AGTPBP1: variants seen among roughly 807,000 people sequenced by gnomAD.
AGTPBP1 encodes cytosolic carboxypeptidase 1.
Under a neutral mutation model 143.9 loss-of-function variants are expected in AGTPBP1, and 70 were observed. That is an observed-to-expected ratio of 0.49 (90% confidence interval 0.40 to 0.59). AGTPBP1 has a LOEUF of 0.59. Ranked by LOEUF, AGTPBP1 falls within the 20% of genes least tolerant of loss-of-function variation. The pLI is 0.00. For synonymous variants in AGTPBP1, 463 were observed against 500.2 expected, an observed-to-expected ratio of 0.93 and a Z score of 0.99; for missense variants, 1,229 against 1,464.5, an observed-to-expected ratio of 0.84 and a Z score of 2.62.
intron 1 of AGTPBP1, among the ~76,000 whole-genome samples, chr9:85,726,870 T>C (rs1212205134): frequency 6.6e-6 from 1 of 152,090 alleles, no homozygotes; most frequent in Non-Finnish European, 1.5e-5. Context: ...AAAGGGAAAG[T>C]CACACAATTG....
intron 23 of AGTPBP1, 52 bp from the exon 24 acceptor site, chr9:85,579,148 A>G (rs760014342): frequency 6.6e-7 from 1 of 1,513,350 alleles, no homozygotes; most frequent in Non-Finnish European, 8.8e-7. Context: ...TTTAATTTTA[A>G]ATGTTTTTAA....
At chr9:85,722,603 C>T (rs556834484) in intron 1 of AGTPBP1, among the ~76,000 whole-genome samples, 84 of 152,252 alleles carry the variant, frequency 5.5e-4, no homozygotes, top group Non-Finnish European at 1.1e-3. Flanking sequence ...AGCTACCTTG[C>T]GATGGGTTAG....
chr9:85,762,223 AG>A, the AGTPBP1 span, among the ~76,000 whole-genome samples: 1 of 152,072 alleles, frequency 6.6e-6, no homozygotes, highest in African/African-American at 2.4e-5. Flanking sequence ...CGATTCCTCA[AG>A]GATCTAGAAC....
At chr9:85,751,929 C>A in the AGTPBP1 span, among the ~76,000 whole-genome samples, 1 of 151,008 alleles carries the variant, frequency 6.6e-6, no homozygotes, top group Non-Finnish European at 1.5e-5. Context: ...TTGACTTGAC[C>A]CTTAAGATGT....
intron 2 of AGTPBP1, among the ~76,000 whole-genome samples, chr9:85,699,368 A>G (rs1836498265): frequency 6.6e-6 from 1 of 152,180 alleles, no homozygotes. Flanking sequence ...TTGAGCTTAT[A>G]TTCAATCTTG....
At chr9:85,776,503 A>C in the AGTPBP1 span, among the ~76,000 whole-genome samples, 72 of 152,268 alleles carry the variant, frequency 4.7e-4, no homozygotes, top group African/African-American at 1.7e-3. Flanking sequence ...TGTAGTTTCC[A>C]ATTGACCTTA....
intron 17 of AGTPBP1, among the ~76,000 whole-genome samples, chr9:85,618,485 G>A (rs1434611933): frequency 6.6e-6 from 1 of 151,134 alleles, no homozygotes; most frequent in Non-Finnish European, 1.5e-5. Context: ...TCCCTCTTTA[G>A]TAGAAATGAA....
chr9:85,666,260 C>G (rs1834124790), intron 8 of AGTPBP1, among the ~76,000 whole-genome samples: 1 of 152,080 alleles, frequency 6.6e-6, no homozygotes, highest in Non-Finnish European at 1.5e-5. Context: ...AAATAACCTC[C>G]TGAGTTGCTT....
intron 17 of AGTPBP1, among the ~76,000 whole-genome samples, chr9:85,604,090 G>A (rs530139164): frequency 3.9e-5 from 6 of 152,168 alleles, no homozygotes; most frequent in Admixed American, 1.3e-4. Flanking sequence ...ACACAAGCCC[G>A]GCTGGAAAGC....
chr9:85,765,396 T>G, the AGTPBP1 span, among the ~76,000 whole-genome samples: 2 of 152,228 alleles, frequency 1.3e-5, no homozygotes, highest in Admixed American at 6.5e-5. Context: ...GTCCATACTA[T>G]GTCCAGCCAA....
At chr9:85,565,246 T>C (rs529482560) in intron 25 of AGTPBP1, among the ~76,000 whole-genome samples, 25 of 152,302 alleles carry the variant, frequency 1.6e-4, no homozygotes, top group South Asian at 6.2e-4. Context: ...TTGATATACA[T>C]TGCCTACAAA....
the AGTPBP1 span, among the ~76,000 whole-genome samples, chr9:85,766,990 C>A: frequency 4.4e-4 from 66 of 148,658 alleles, no homozygotes; most frequent in African/African-American, 1.6e-3. Context: ...TAACAATTTA[C>A]TACAGACAGG....
At chr9:85,638,240 G>A (rs2133776292) in intron 13 of AGTPBP1, among the ~76,000 whole-genome samples, 1 of 152,156 alleles carries the variant, frequency 6.6e-6, no homozygotes, top group East Asian at 1.9e-4. Flanking sequence ...TTTAGACTTT[G>A]ATAAATATGT....
intron 22 of AGTPBP1, among the ~76,000 whole-genome samples, chr9:85,586,207 A>G (rs1206393698): frequency 2.1e-5 from 3 of 139,642 alleles, no homozygotes; most frequent in Non-Finnish European, 4.6e-5. Flanking sequence ...CTCCATCTCG[A>G]AAAAAAAAAA....
chr9:85,602,722 A>T (rs927417306), intron 17 of AGTPBP1, among the ~76,000 whole-genome samples: 2 of 152,142 alleles, frequency 1.3e-5, no homozygotes, highest in Non-Finnish European at 2.9e-5. Context: ...TTAAGAACCA[A>T]AAATTAGGTG....
chr9:85,795,455 G>A, the AGTPBP1 span, among the ~76,000 whole-genome samples: 3 of 152,158 alleles, frequency 2.0e-5, no homozygotes, highest in Admixed American at 1.3e-4. Flanking sequence ...AGAACATACA[G>A]CCTGTTGAGG....
At position 85,633,338 on chromosome 9, in the gene AGTPBP1, C is replaced by A; in HGVS notation, c.1339G>T (p.Val447Leu). 1 of 1,591,862 alleles carries A rather than the reference C, an allele frequency of 6.3e-7. No individual in the cohort carries two copies. The highest frequency in any genetic ancestry group is 8.5e-7 in the Non-Finnish European group (1 of 1,173,860). Residue 447 changes from valine (V) to leucine (L), a missense_variant, in exon 14 of 26, where the codon GTA (valine) becomes TTA (leucine). Transcript: ENST00000357081. ...DLISKEPKPF[V>L]FEGKVRGPIV... ...GGACCACGTACTTTTCCCTCAAATA[C>A]AAAAGGCTTTGGTTCTTTGGAGATT...
At chr9:85,547,381 A>G in intron 25 of AGTPBP1, 95 bp from the exon 26 acceptor site, 1 of 1,071,684 alleles carries the variant, frequency 9.3e-7, no homozygotes, top group Non-Finnish European at 1.3e-6. Flanking sequence ...TTTGATTCCA[A>G]TATAATATAA....
upstream of AGTPBP1, chr9:85,742,126 C>G (rs867238469): frequency 2.2e-6 from 2 of 897,124 alleles, no homozygotes; most frequent in East Asian, 4.7e-5. Context: ...CGCGCTGCGC[C>G]CCGCCTCTCT....
Sources: gnomAD v4.1 joint callset for allele counts (sites outside exome capture counted in the v4.1 genomes callset) on GRCh38, gnomAD v4.1.1 for gene constraint, MANE v1.5 for transcripts, NCBI Gene and HGNC (gene_info 2026-07-23, HGNC 2026-07-21) for gene names.